Variants in CNTNAP4 observed in about 807,000 individuals in gnomAD.
CNTNAP4 encodes contactin-associated protein-like 4.
A neutral mutation model predicts 148.4 loss-of-function variants in CNTNAP4; 98 were observed. That is an observed-to-expected ratio of 0.66 (90% confidence interval 0.56 to 0.78). The LOEUF is 0.78. Ranked by LOEUF, CNTNAP4 falls within the 30% of genes least tolerant of loss-of-function variation. The pLI is 0.00. For missense variants in CNTNAP4, 1,935 were observed against 1,565.6 expected (o/e 1.24, Z -3.98); for synonymous variants, 730 against 565.1 (o/e 1.29, Z -4.14).
intron 3 of CNTNAP4, among the ~76,000 whole-genome samples, chr16:76,400,943 C>T (rs1449967429): frequency 2.0e-5 from 3 of 152,102 alleles, no homozygotes; most frequent in African/African-American, 7.2e-5. Flanking sequence ...TACTGTAGCA[C>T]TGTAGTACAG....
intron 3 of CNTNAP4, among the ~76,000 whole-genome samples, chr16:76,386,508 C>A (rs1280770107): frequency 1.3e-5 from 2 of 152,076 alleles, no homozygotes; most frequent in African/African-American, 2.4e-5. Flanking sequence ...CAGACTTTCC[C>A]AGATTTATTT....
intron 18 of CNTNAP4, 108 bp downstream of exon 18, chr16:76,535,892 G>A: frequency 8.0e-7 from 1 of 1,257,714 alleles, no homozygotes; most frequent in Non-Finnish European, 1.1e-6. Flanking sequence ...TTCAATTTCT[G>A]AATTGCTTTG....
intron 17 of CNTNAP4, among the ~76,000 whole-genome samples, chr16:76,523,624 AATG>A (rs2144129771): frequency 6.6e-6 from 1 of 152,278 alleles, no homozygotes; most frequent in South Asian, 2.1e-4. Context: ...AAGCAGAATA[AATG>A]ATAAGTTATT....
chr16:76,555,271 C>T (rs577169233), intron 23 of CNTNAP4, among the ~76,000 whole-genome samples: 1 of 152,072 alleles, frequency 6.6e-6, no homozygotes, highest in Non-Finnish European at 1.5e-5. Context: ...ATTTCAGTTG[C>T]TTTTCTGTTT....
intron 15 of CNTNAP4, among the ~76,000 whole-genome samples, chr16:76,500,608 TTTCCAG>T: frequency 9.9e-6 from 1 of 101,360 alleles, no homozygotes; most frequent in Non-Finnish European, 2.0e-5. Flanking sequence ...TCTTTTTTTT[TTTCCAG>T]TTTGTGTGTG....
intron 1 of CNTNAP4, among the ~76,000 whole-genome samples, chr16:76,291,140 G>C (rs1959098328): frequency 6.6e-6 from 1 of 152,162 alleles, no homozygotes; most frequent in African/African-American, 2.4e-5. Context: ...GTGGAGTGGG[G>C]GGTATAATTC....
At chr16:76,363,183 T>G (rs918713587) in intron 3 of CNTNAP4, among the ~76,000 whole-genome samples, 1 of 151,128 alleles carries the variant, frequency 6.6e-6, no homozygotes, top group African/African-American at 2.4e-5. Flanking sequence ...TTTTGGGAGT[T>G]GGAGTCTCAC....
chr16:76,437,747 C>T (rs74026783), intron 4 of CNTNAP4, among the ~76,000 whole-genome samples: 3,834 of 152,052 alleles, frequency 0.025, 151 homozygotes, highest in African/African-American at 0.088. Context: ...AGAGGAGTAT[C>T]TCTTTAATTA....
At chr16:76,327,855 T>C (rs1368996605) in intron 2 of CNTNAP4, among the ~76,000 whole-genome samples, 2 of 152,196 alleles carry the variant, frequency 1.3e-5, no homozygotes, top group Non-Finnish European at 2.9e-5. Context: ...GTGTGTGGCA[T>C]TGGATACCAG....
chr16:76,371,057 G>A (rs28669223), intron 3 of CNTNAP4, among the ~76,000 whole-genome samples: 2 of 152,048 alleles, frequency 1.3e-5, no homozygotes, highest in Non-Finnish European at 2.9e-5. Context: ...CCACATAATC[G>A]ACACTGAGTA....
intron 23 of CNTNAP4, among the ~76,000 whole-genome samples, chr16:76,556,151 A>G (rs1597158446): frequency 1.3e-5 from 2 of 152,212 alleles, no homozygotes; most frequent in East Asian, 3.9e-4. Flanking sequence ...AATGAATGGT[A>G]TAAGATGGGA....
intron 3 of CNTNAP4, among the ~76,000 whole-genome samples, chr16:76,363,080 G>A (rs901281421): frequency 6.6e-6 from 1 of 151,296 alleles, no homozygotes; most frequent in African/African-American, 2.4e-5. Flanking sequence ...AATAGACAAT[G>A]GGGAATGTAT....
intron 16 of CNTNAP4, 78 bp downstream of exon 16, chr16:76,521,388 C>G: frequency 8.7e-7 from 1 of 1,145,338 alleles, no homozygotes; most frequent in South Asian, 1.7e-5. Context: ...TTAAACTACT[C>G]ATGTGTCTAC....
chr16:76,281,004 C>T (rs1169652554), intron 1 of CNTNAP4, among the ~76,000 whole-genome samples: 4 of 152,054 alleles, frequency 2.6e-5, no homozygotes, highest in Admixed American at 6.6e-5. Context: ...AATTAATGCT[C>T]CCCAATGACT....
chr16:76,312,696 C>A (rs1011987100), intron 1 of CNTNAP4, among the ~76,000 whole-genome samples: 2 of 152,118 alleles, frequency 1.3e-5, no homozygotes, highest in African/African-American at 4.8e-5. Context: ...TAATTATAGT[C>A]ATGGTATTCT....
intron 13 of CNTNAP4, 55 bp downstream of exon 13, chr16:76,489,938 A>T (rs1342615905): frequency 8.4e-7 from 1 of 1,194,594 alleles, no homozygotes; most frequent in Non-Finnish European, 1.1e-6. Flanking sequence ...GCACTTACTC[A>T]ACTAGCTCCT....
At chr16:76,379,898 C>T (rs1191885852) in intron 3 of CNTNAP4, among the ~76,000 whole-genome samples, 4 of 152,152 alleles carry the variant, frequency 2.6e-5, no homozygotes, top group African/African-American at 7.2e-5. Flanking sequence ...TTCAGATTTT[C>T]AAAGATATGC....
intron 3 of CNTNAP4, among the ~76,000 whole-genome samples, chr16:76,393,038 G>C (rs1164043934): frequency 1.3e-5 from 2 of 152,154 alleles, no homozygotes; most frequent in Admixed American, 6.5e-5. Context: ...AAGCACAATT[G>C]TCTAAATTGT....
intron 10 of CNTNAP4, among the ~76,000 whole-genome samples, chr16:76,474,824 A>G (rs536336572): frequency 6.6e-6 from 1 of 152,308 alleles, no homozygotes; most frequent in East Asian, 1.9e-4. Flanking sequence ...TGTATCCCTA[A>G]CCTTAAAAAG....
Sources: allele counts gnomAD v4.1 joint callset (sites outside exome capture counted in the v4.1 genomes callset), GRCh38; gene constraint gnomAD v4.1.1; transcripts MANE v1.5; gene names NCBI Gene and HGNC (gene_info 2026-07-23, HGNC 2026-07-21).